Variants in THSD4 observed in about 807,000 individuals in gnomAD.
The protein encoded by THSD4 is thrombospondin type-1 domain-containing protein 4.
THSD4 carries 69 observed loss-of-function variants against 119.0 expected under a neutral mutation model. The observed-to-expected ratio is 0.58, with a 90% CI of 0.48 to 0.71. THSD4 has a LOEUF of 0.71. Ranked by LOEUF, THSD4 falls within the 30% of genes least tolerant of loss-of-function variation. THSD4 has a pLI of 0.00. For missense variants in THSD4, 1,393 were observed against 1,391.1 expected (o/e 1.00, Z -0.02); for synonymous variants, 524 against 540.4 (o/e 0.97, Z 0.42).
At chr15:71,757,881 T>C in intron 14 of THSD4, 21 bp from the exon 15 acceptor site, 1 of 1,612,166 alleles carries the variant, frequency 6.2e-7, no homozygotes, top group South Asian at 1.1e-5. Flanking sequence ...CTGACTAATG[T>C]GCCCTTCCCC....
At chr15:71,218,806 T>A (rs2043954475) in intron 4 of THSD4, among the ~76,000 whole-genome samples, 1 of 152,246 alleles carries the variant, frequency 6.6e-6, no homozygotes, top group Non-Finnish European at 1.5e-5. Flanking sequence ...GGAGTTTAGA[T>A]GTTTAAAAAA....
chr15:71,731,212 G>T lies in THSD4; in HGVS notation c.1625G>T (p.Arg542Ile). 1 of 1,614,124 alleles carries T rather than the reference G, an allele frequency of 6.2e-7. No homozygotes were observed. Among genetic ancestry groups the T allele is most frequent in the South Asian group, 1.1e-5 (1 of 91,072 alleles). ...AISPQVPPHRRPGEPFNGQMV... is the reference protein window; with the variant it reads ...AISPQVPPHRIPGEPFNGQMV... ...AGCCCCCAGGTGCCACCCCACAGGA[G>T]ACCAGGTAGAATCCCTTGTCTTGTG... The change falls in exon 10 of 18, where the codon AGA becomes ATA. Residue 542 changes from arginine (R) to isoleucine (I), a missense_variant. Physicochemically the swap from Arg to Ile is moderately conservative, Grantham distance 97. Coordinates refer to ENST00000261862, the MANE Select transcript of THSD4 (RefSeq NM_024817.3).
intron 2 of THSD4, among the ~76,000 whole-genome samples, chr15:71,142,101 G>T (rs1026901781): frequency 2.6e-5 from 4 of 151,992 alleles, no homozygotes; most frequent in African/African-American, 9.7e-5. Flanking sequence ...TAAAAAAATT[G>T]TTCTCTGGTT....
At chr15:71,300,641 G>T (rs183470569) in intron 6 of THSD4, among the ~76,000 whole-genome samples, 110 of 152,310 alleles carry the variant, frequency 7.2e-4, no homozygotes, top group East Asian at 7.7e-4. Context: ...TGAAGATGCT[G>T]TAGTATAAGA....
intron 6 of THSD4, among the ~76,000 whole-genome samples, chr15:71,374,538 G>T (rs980334952): frequency 6.6e-6 from 1 of 152,196 alleles, no homozygotes; most frequent in African/African-American, 2.4e-5. Context: ...TCTAGGGGAA[G>T]GAGTGAAGTT....
At chr15:71,761,353 C>G (rs2053625525) in intron 15 of THSD4, among the ~76,000 whole-genome samples, 1 of 152,220 alleles carries the variant, frequency 6.6e-6, no homozygotes, top group East Asian at 1.9e-4. Flanking sequence ...AAGCCTTCCC[C>G]TTTTATTTAC....
At chr15:71,138,201 C>T (rs1397802041) in intron 1 of THSD4, among the ~76,000 whole-genome samples, 1 of 152,130 alleles carries the variant, frequency 6.6e-6, no homozygotes, top group Non-Finnish European at 1.5e-5. Flanking sequence ...GAAGGGGAAG[C>T]AGGCACATCT....
chr15:71,487,442 C>T (rs550549973), intron 7 of THSD4, among the ~76,000 whole-genome samples: 2 of 152,282 alleles, frequency 1.3e-5, no homozygotes, highest in African/African-American at 4.8e-5. Context: ...CTTGCTAAAT[C>T]CAATTGCCTT....
intron 7 of THSD4, among the ~76,000 whole-genome samples, chr15:71,439,853 G>C (rs898279742): frequency 6.6e-6 from 1 of 152,030 alleles, no homozygotes; most frequent in African/African-American, 2.4e-5. Context: ...TCACATACTG[G>C]GGCCTGTTGG....
intron 6 of THSD4, among the ~76,000 whole-genome samples, chr15:71,381,726 A>G (rs921550145): frequency 2.6e-5 from 4 of 152,220 alleles, no homozygotes; most frequent in Admixed American, 1.3e-4. Flanking sequence ...AGCATAGAAC[A>G]TTTTAACATA....
At chr15:71,594,617 C>A (rs143114545) in intron 7 of THSD4, among the ~76,000 whole-genome samples, 1 of 152,288 alleles carries the variant, frequency 6.6e-6, no homozygotes, top group African/African-American at 2.4e-5. Context: ...TAGGCCTCTT[C>A]CCTGGGGTCT....
At chr15:71,631,120 G>A (rs1388911177) in intron 7 of THSD4, among the ~76,000 whole-genome samples, 1 of 152,156 alleles carries the variant, frequency 6.6e-6, no homozygotes, top group Non-Finnish European at 1.5e-5. Flanking sequence ...CCCTAGGTAA[G>A]AGGCACAGTC....
chr15:71,198,041 G>GC (rs2043735016), intron 3 of THSD4, among the ~76,000 whole-genome samples: 1 of 152,172 alleles, frequency 6.6e-6, no homozygotes, highest in African/African-American at 2.4e-5. Flanking sequence ...GTTCACTTGA[G>GC]CTCAGGAGTG....
intron 8 of THSD4, among the ~76,000 whole-genome samples, chr15:71,722,770 C>A (rs1465668473): frequency 6.6e-6 from 1 of 152,176 alleles, no homozygotes; most frequent in Non-Finnish European, 1.5e-5. Context: ...TTCTTATCTC[C>A]CATCTCAACA....
At chr15:71,155,707 G>A (rs1228198821) in intron 3 of THSD4, among the ~76,000 whole-genome samples, 1 of 152,172 alleles carries the variant, frequency 6.6e-6, no homozygotes, top group African/African-American at 2.4e-5. Flanking sequence ...GGATAGAGCT[G>A]CAGCTGTAGC....
intron 7 of THSD4, among the ~76,000 whole-genome samples, chr15:71,497,437 T>G (rs1489010541): frequency 2.0e-5 from 3 of 151,628 alleles, no homozygotes; most frequent in African/African-American, 7.3e-5. Flanking sequence ...CGCTTGAGCC[T>G]GGAAGGCAGA....
chr15:71,215,200 G>C lies in THSD4; in HGVS notation c.265G>C (p.Gly89Arg). The change falls in exon 4 of 18, where the codon GGC (glycine) becomes CGC (arginine). Residue 89 changes from glycine to arginine, a missense_variant. Gly to Arg is a moderately radical substitution (Grantham distance 125). Coordinates refer to ENST00000261862, the MANE Select transcript of THSD4 (RefSeq NM_024817.3). The stretch of plus-strand genomic sequence containing the variant: ...CCTGCCCCGCTCCTACCGCCTGCGC[G>C]GCGGCCAGCGGCCTGGCGCCCCTGC... ...PCLPRSYRLR[G>R]GQRPGAPARA... The C allele has an allele frequency of 7.4e-7, 1 of 1,356,916 alleles. No homozygotes were observed. The highest frequency in any genetic ancestry group is 9.4e-7 in the Non-Finnish European group (1 of 1,059,422). 84.1% of individuals were successfully genotyped at this position (1,356,916 alleles called of 1,614,324 possible). A position where few individuals can be genotyped will look rare whatever the true frequency, so the allele number is the denominator to read the frequency against.
intron 2 of THSD4, among the ~76,000 whole-genome samples, chr15:71,152,953 A>C (rs1191134716): frequency 2.0e-5 from 3 of 152,156 alleles, no homozygotes; most frequent in African/African-American, 7.2e-5. Context: ...TCCTTTCCAG[A>C]TAACCTAAGT....
chr15:71,514,900 C>T (rs1321976070), intron 7 of THSD4, among the ~76,000 whole-genome samples: 2 of 152,062 alleles, frequency 1.3e-5, no homozygotes, highest in Admixed American at 6.6e-5. Context: ...TGGATATATC[C>T]AAATTTTGTT....
Sources: gnomAD v4.1 joint callset for allele counts (sites outside exome capture counted in the v4.1 genomes callset) on GRCh38, gnomAD v4.1.1 for gene constraint, MANE v1.5 for transcripts, NCBI Gene and HGNC (gene_info 2026-07-23, HGNC 2026-07-21) for gene names.